PDE10A: variants seen among roughly 807,000 people sequenced by gnomAD.
The protein encoded by PDE10A is phosphodiesterase 10A, also known as cAMP and cAMP-inhibited cGMP 3',5'-cyclic phosphodiesterase 10A.
A neutral mutation model predicts 97.7 loss-of-function variants in PDE10A; 39 were observed. That is an observed-to-expected ratio of 0.40 (90% CI 0.31 to 0.52). PDE10A has a LOEUF of 0.52. Ranked by LOEUF, PDE10A falls within the 20% of genes least tolerant of loss-of-function variation. The probability of loss-of-function intolerance (pLI) is 0.56; values close to 1 mark genes in which losing one functional copy is unlikely to be tolerated. For missense variants in PDE10A, 731 were observed against 1,047.8 expected (o/e 0.70, Z 4.17); for synonymous variants, 371 against 376.8 (o/e 0.98, Z 0.18).
chr6:165,850,504 A>G (rs1257419216), intron 1 of PDE10A, among the ~76,000 whole-genome samples: 1 of 152,198 alleles, frequency 6.6e-6, no homozygotes, highest in African/African-American at 2.4e-5. Flanking sequence ...AAAACCATAT[A>G]AAGGTAAACT....
chr6:165,830,263 G>T (rs80071633), intron 1 of PDE10A, among the ~76,000 whole-genome samples: 8 of 152,290 alleles, frequency 5.3e-5, no homozygotes, highest in Admixed American at 2.0e-4. Context: ...CCTCTGTCCC[G>T]CACTGTCTCC....
rs10711465 is a variant in PDE10A at position 165,438,956 on chromosome 6, TAA to T, written c.1195-3581_1195-3580del. Among the ~76,000 whole-genome samples, 189 of 132,726 alleles carry T rather than the reference TAA, an allele frequency of 1.4e-3. 1 individual carries two copies. The highest frequency in any genetic ancestry group is 0.012 in the Middle Eastern group (3 of 256). The allele number at this position is 132,726 out of a possible 152,430, so 87.1% of individuals were successfully genotyped here. On this transcript the variant is annotated intron_variant, in intron 5 of 21. Coordinates refer to ENST00000539869, the MANE Select transcript of PDE10A (RefSeq NM_001385079.1). ...TTGGGTGACAGAGTGAGACCCTGCT[TAA>T]AAAAAAAAAAAAAAAAGATATATAC...
intron 21 of PDE10A, among the ~76,000 whole-genome samples, chr6:165,335,421 T>C (rs372174501): frequency 1.3e-5 from 2 of 152,066 alleles, no homozygotes; most frequent in Non-Finnish European, 2.9e-5. Context: ...ATAACAATAA[T>C]AATAAAAACT....
intron 1 of PDE10A, among the ~76,000 whole-genome samples, chr6:165,800,295 G>A (rs540294803): frequency 6.6e-6 from 1 of 152,184 alleles, no homozygotes; most frequent in South Asian, 2.1e-4. Flanking sequence ...TCTACTAAAG[G>A]GGCATTTTAT....
chr6:165,958,714 G>A (rs5018522), intron 1 of PDE10A, among the ~76,000 whole-genome samples: 2,937 of 53,342 alleles, frequency 0.055, 112 homozygotes, highest in East Asian at 0.19. Flanking sequence ...GAAAGAAAGA[G>A]AGAAGAAAGA....
intron 1 of PDE10A, among the ~76,000 whole-genome samples, chr6:165,864,819 T>A (rs1224898349): frequency 6.6e-6 from 1 of 152,116 alleles, no homozygotes; most frequent in Non-Finnish European, 1.5e-5. Flanking sequence ...ATGAAAAACA[T>A]CAAATGAAGA....
intron 3 of PDE10A, among the ~76,000 whole-genome samples, chr6:165,474,537 A>C (rs539341733): frequency 2.2e-4 from 34 of 152,286 alleles, no homozygotes; most frequent in Non-Finnish European, 4.7e-4. Context: ...ACTACCATCG[A>C]GTATTATGCT....
At chr6:165,622,222 C>T (rs1409034681) in intron 1 of PDE10A, among the ~76,000 whole-genome samples, 1 of 152,162 alleles carries the variant, frequency 6.6e-6, no homozygotes, top group Non-Finnish European at 1.5e-5. Context: ...GAGCCAGTGC[C>T]TTAAAGTCAA....
At chr6:165,785,607 C>G (rs1778471528) in intron 1 of PDE10A, among the ~76,000 whole-genome samples, 1 of 152,196 alleles carries the variant, frequency 6.6e-6, no homozygotes, top group African/African-American at 2.4e-5. Context: ...TCCATTGTCC[C>G]ATGAAAAAAT....
chr6:165,430,641 A>C (rs573902627), intron 8 of PDE10A, among the ~76,000 whole-genome samples: 1 of 151,882 alleles, frequency 6.6e-6, no homozygotes, highest in African/African-American at 2.4e-5. Context: ...CTTCAGAATT[A>C]ATAAGTGATA....
At chr6:165,627,279 A>G (rs562728336) in intron 1 of PDE10A, among the ~76,000 whole-genome samples, 4 of 152,332 alleles carry the variant, frequency 2.6e-5, no homozygotes, top group African/African-American at 9.6e-5. Flanking sequence ...TGTTATTTCC[A>G]TCAGAAAACT....
chr6:165,840,051 T>TCTCCATCCGCATCA (rs1780214426), intron 1 of PDE10A, among the ~76,000 whole-genome samples: 3 of 151,952 alleles, frequency 2.0e-5, no homozygotes, highest in South Asian at 2.1e-4. Context: ...CATCTCCATG[T>TCTCCATCCGCATCA]CCATCTCCAT....
intron 1 of PDE10A, among the ~76,000 whole-genome samples, chr6:165,759,855 C>G (rs1472675222): frequency 1.3e-5 from 2 of 152,156 alleles, no homozygotes; most frequent in Non-Finnish European, 2.9e-5. Context: ...ATACTTTTCT[C>G]TTTACTTTTA....
At chr6:165,492,550 A>G (rs1780289418) in intron 2 of PDE10A, among the ~76,000 whole-genome samples, 1 of 152,204 alleles carries the variant, frequency 6.6e-6, no homozygotes, top group African/African-American at 2.4e-5. Context: ...ACAAGTCAAT[A>G]AATGTGATAC....
In PDE10A at chr6:165,449,273, A is replaced by AT. The variant is rs1791102640; in HGVS notation, c.1145-297dup. ...TGAACTTTATTCAGAATTATTGAAT[A>AT]TTTTTTAAATTTGAGAATTGTGTTT... On this transcript the variant is annotated intron_variant, in intron 4 of 21. Coordinates refer to ENST00000539869, the MANE Select transcript of PDE10A (RefSeq NM_001385079.1). Among the ~76,000 whole-genome samples the AT allele has an allele frequency of 1.1e-4, 16 of 152,338 alleles. No homozygotes were observed. In the South Asian group the frequency reaches 3.3e-3, roughly 32 times the overall value.
intron 18 of PDE10A, among the ~76,000 whole-genome samples, chr6:165,352,264 G>A (rs1204686256): frequency 6.6e-6 from 1 of 152,142 alleles, no homozygotes; most frequent in Non-Finnish European, 1.5e-5. Flanking sequence ...GAAATACATT[G>A]ATTCTTAATA....
intron 1 of PDE10A, among the ~76,000 whole-genome samples, chr6:165,971,235 G>T (rs988299186): frequency 1.2e-4 from 19 of 152,062 alleles, no homozygotes; most frequent in African/African-American, 4.6e-4. Flanking sequence ...GCACAGAAAT[G>T]GATTCTGATT....
At chr6:165,597,973 C>T (rs939251271) in intron 1 of PDE10A, among the ~76,000 whole-genome samples, 7 of 152,296 alleles carry the variant, frequency 4.6e-5, no homozygotes, top group East Asian at 3.9e-4. Context: ...TCCTTGTGAA[C>T]GAAACAGGGC....
chr6:165,710,844 A>G (rs921672714), intron 1 of PDE10A, among the ~76,000 whole-genome samples: 5 of 152,234 alleles, frequency 3.3e-5, no homozygotes, highest in Non-Finnish European at 7.3e-5. Flanking sequence ...AAAATCACTT[A>G]AAACCATGTC....
Sources: gnomAD v4.1 joint callset for allele counts (sites outside exome capture counted in the v4.1 genomes callset) on GRCh38, gnomAD v4.1.1 for gene constraint, MANE v1.5 for transcripts, NCBI Gene and HGNC (gene_info 2026-07-23, HGNC 2026-07-21) for gene names.